The following RAB3C variants were observed in gnomAD, a reference collection of about 807,000 sequenced individuals.
RAB3C encodes the protein RAB3C, member RAS oncogene family.
A neutral mutation model predicts 26.4 loss-of-function variants in RAB3C; 17 were observed. The ratio of observed to expected loss-of-function variants is 0.64; its 90% confidence interval spans 0.44 to 0.97. The LOEUF is 0.97. Among genes scored for constraint, RAB3C ranks in the 50% least tolerant of loss-of-function variants. RAB3C has a pLI of 0.00. For missense variants in RAB3C, 242 were observed against 281.9 expected, an observed-to-expected ratio of 0.86 and a Z score of 1.01; for synonymous variants, 91 against 95.9, an observed-to-expected ratio of 0.95 and a Z score of 0.30.
chr5:58,802,483 G>C lies in RAB3C; in HGVS notation c.372-22555G>C, dbSNP rs1223264165. Among the ~76,000 whole-genome samples the C allele has an allele frequency of 2.0e-5, 3 of 152,158 alleles. No individual in the cohort carries two copies. In the East Asian group the frequency reaches 5.8e-4, roughly 29 times the overall value. On this transcript the variant is annotated intron_variant, in intron 3 of 4. Transcript: ENST00000282878. Reference sequence around the variant, plus strand: ...AAGAAATGTCAACTCATACCTAACGGCCACGGCTGCTGACATAAGAATGAC... The same window carrying C: ...AAGAAATGTCAACTCATACCTAACGCCCACGGCTGCTGACATAAGAATGAC...
At chr5:58,674,300 C>T (rs1413677537) in intron 2 of RAB3C, among the ~76,000 whole-genome samples, 2 of 152,214 alleles carry the variant, frequency 1.3e-5, no homozygotes, top group Non-Finnish European at 2.9e-5. Flanking sequence ...TCTCACTCTT[C>T]AGGAACTAGA....
intron 4 of RAB3C, among the ~76,000 whole-genome samples, chr5:58,828,419 ACTC>A (rs1437346608): frequency 6.6e-6 from 1 of 151,064 alleles, no homozygotes; most frequent in Non-Finnish European, 1.5e-5. Context: ...TCCTTGGTAG[ACTC>A]CTCCTCCTTT....
At chr5:58,715,869 A>T (rs1245483733) in intron 2 of RAB3C, among the ~76,000 whole-genome samples, 1 of 152,056 alleles carries the variant, frequency 6.6e-6, no homozygotes, top group Non-Finnish European at 1.5e-5. Context: ...AGAGAGACTA[A>T]AGAATCAGGA....
At chr5:58,595,320 G>T (rs1157337847) in intron 1 of RAB3C, among the ~76,000 whole-genome samples, 1 of 152,130 alleles carries the variant, frequency 6.6e-6, no homozygotes, top group Non-Finnish European at 1.5e-5. Context: ...AGCTTGACTG[G>T]GCAGACTGGG....
intron 2 of RAB3C, among the ~76,000 whole-genome samples, chr5:58,657,532 G>A (rs1747808685): frequency 1.3e-5 from 2 of 152,158 alleles, no homozygotes; most frequent in Admixed American, 6.6e-5. Flanking sequence ...TAGCTCTTAG[G>A]AGAGAAAAGA....
At chr5:58,811,393 TAGAG>T (rs374339993) in intron 3 of RAB3C, among the ~76,000 whole-genome samples, 48 of 152,072 alleles carry the variant, frequency 3.2e-4, no homozygotes, top group East Asian at 7.7e-4. Flanking sequence ...GTGTGTAAGA[TAGAG>T]AGAGGATTTT....
intron 1 of RAB3C, among the ~76,000 whole-genome samples, chr5:58,599,596 G>A (rs1037760412): frequency 3.3e-5 from 5 of 152,138 alleles, no homozygotes; most frequent in African/African-American, 1.2e-4. Flanking sequence ...CAAACTGGAA[G>A]TAAACTACAT....
intron 2 of RAB3C, among the ~76,000 whole-genome samples, chr5:58,626,603 C>T (rs977805792): frequency 4.6e-5 from 7 of 152,064 alleles, no homozygotes; most frequent in African/African-American, 1.4e-4. Context: ...ATTAACTTCT[C>T]CATGCCAGTG....
intron 2 of RAB3C, among the ~76,000 whole-genome samples, chr5:58,664,956 C>T (rs1233167397): frequency 1.3e-5 from 2 of 152,012 alleles, no homozygotes; most frequent in South Asian, 2.1e-4. Context: ...AGGATCTTGG[C>T]GCTGGATGCC....
In RAB3C at chr5:58,603,965, CTGT is replaced by C. The variant is rs915064351; in HGVS notation, c.25-13673_25-13671del. Among the ~76,000 whole-genome samples, 13 of 151,002 alleles carry C rather than the reference CTGT, an allele frequency of 8.6e-5. No homozygotes were observed. In the East Asian group the frequency reaches 1.7e-3, roughly 20 times the overall value. On this transcript the variant is annotated intron_variant, in intron 1 of 4. Coordinates refer to ENST00000282878, the MANE Select transcript of RAB3C (RefSeq NM_138453.4). ...CAGAGGGAAGGTCTAGGGCTGAAGG[CTGT>C]TGTTCAGATTTCTTTTTTGTCCCAC...
At chr5:58,668,603 T>G (rs1190658714) in intron 2 of RAB3C, among the ~76,000 whole-genome samples, 1 of 152,120 alleles carries the variant, frequency 6.6e-6, no homozygotes, top group African/African-American at 2.4e-5. Context: ...TGAGGCATAA[T>G]CAGGGTCAAA....
Position 58,797,357 on chromosome 5 carries a change from TGTATATATATA to T in RAB3C, c.372-27680_372-27670del, listed in dbSNP as rs1443266561. On this transcript the variant is annotated intron_variant, in intron 3 of 4. Coordinates refer to ENST00000282878, the MANE Select transcript of RAB3C (RefSeq NM_138453.4). The stretch of plus-strand genomic sequence containing the variant: ...TGGAAGACAAAAAAAAAAAAAAATA[TGTATATATATA>T]ATATATATATATATATATATATATA... 8.9e-3 allele frequency among the ~76,000 whole-genome samples: 156 copies of T among 17,488 alleles called. 3 individuals carry two copies. Among genetic ancestry groups the T allele is most frequent in the East Asian group, 0.028 (21 of 758 alleles). 11.5% of individuals were successfully genotyped at this position (17,488 alleles called of 152,430 possible).
At chr5:58,664,672 A>C (rs1747969108) in intron 2 of RAB3C, among the ~76,000 whole-genome samples, 1 of 152,134 alleles carries the variant, frequency 6.6e-6, no homozygotes, top group African/African-American at 2.4e-5. Context: ...TCATTTCTTA[A>C]AACTGCATGT....
At chr5:58,757,451 G>T (rs1433234715) in intron 3 of RAB3C, among the ~76,000 whole-genome samples, 1 of 151,768 alleles carries the variant, frequency 6.6e-6, no homozygotes, top group African/African-American at 2.4e-5. Flanking sequence ...TGCCACACCC[G>T]CCCCCAACTT....
chr5:58,805,603 A>AAAG (rs10691454), intron 3 of RAB3C, among the ~76,000 whole-genome samples: 25 of 132,972 alleles, frequency 1.9e-4, no homozygotes, highest in Non-Finnish European at 2.8e-4. Context: ...AAAAAAAAAA[A>AAAG]AGAGAGAGAG....
rs1744330347 is a variant in RAB3C, at chr5:58,859,234, G to A, written c.*7883G>A. The A allele has an allele frequency of 6.6e-6, 1 of 152,212 alleles. No homozygotes were observed. Among genetic ancestry groups the A allele is most frequent in the Non-Finnish European group, 1.5e-5 (1 of 68,038 alleles). The allele number at this position is 152,212 out of a possible 1,614,324, so 9.4% of individuals were successfully genotyped here. A position where few individuals can be genotyped will look rare whatever the true frequency, so the allele number is the denominator to read the frequency against. On this transcript the variant is annotated 3_prime_UTR_variant, in exon 5 of 5. Transcript: ENST00000282878. ...CTATGAAGTGTATTCACATTGTGAA[G>A]TTTTAATTATCTTTATTGAAATTAA...
chr5:58,677,615 A>T (rs1191891078), intron 2 of RAB3C, among the ~76,000 whole-genome samples: 1 of 148,536 alleles, frequency 6.7e-6, no homozygotes, highest in Admixed American at 6.7e-5. Context: ...AAATATAAAA[A>T]TATTGACACC....
At chr5:58,638,406 A>G (rs1747332537) in intron 2 of RAB3C, among the ~76,000 whole-genome samples, 1 of 151,254 alleles carries the variant, frequency 6.6e-6, no homozygotes, top group Non-Finnish European at 1.5e-5. Flanking sequence ...AATTCTTTGC[A>G]TTTTGTTTAT....
At chr5:58,621,270 A>T (rs1449353689) in intron 2 of RAB3C, among the ~76,000 whole-genome samples, 1 of 152,212 alleles carries the variant, frequency 6.6e-6, no homozygotes, top group African/African-American at 2.4e-5. Context: ...GGTTTCAGAC[A>T]TTGATTTAAT....
Sources: gnomAD v4.1 joint callset for allele counts (sites outside exome capture counted in the v4.1 genomes callset) on GRCh38, gnomAD v4.1.1 for gene constraint, MANE v1.5 for transcripts, NCBI Gene and HGNC (gene_info 2026-07-23, HGNC 2026-07-21) for gene names.